Variants in CWF19L2 observed in about 807,000 individuals in gnomAD.
The protein encoded by CWF19L2 is CWF19-like protein 2.
CWF19L2 carries 98 observed loss-of-function variants against 111.7 expected under a neutral mutation model. The ratio of observed to expected loss-of-function variants is 0.88; its 90% CI spans 0.75 to 1.04. CWF19L2 has a LOEUF of 1.04. CWF19L2 is among the 50% of genes least tolerant of loss of function. CWF19L2 has a pLI of 0.00. For missense variants in CWF19L2, 1,101 were observed against 1,051.4 expected, an observed-to-expected ratio of 1.05 and a Z score of -0.65; for synonymous variants, 351 against 342.9, an observed-to-expected ratio of 1.02 and a Z score of -0.26.
intron 14 of CWF19L2, among the ~76,000 whole-genome samples, chr11:107,346,678 C>A (rs1444456092): frequency 1.3e-5 from 2 of 152,174 alleles, no homozygotes; most frequent in East Asian, 3.8e-4. Context: ...ACAGGATTCT[C>A]CTCTGGAAAA....
intron 4 of CWF19L2, 65 bp downstream of exon 4, chr11:107,442,874 G>C (rs1273638375): frequency 1.0e-5 from 9 of 885,380 alleles, no homozygotes; most frequent in African/African-American, 8.5e-5. Flanking sequence ...GGGAAGGAGG[G>C]AGGGAGGGAG....
rs2134524528 is a variant in CWF19L2, at chr11:107,336,555, C to T, written c.2358+3G>A. 1 of 1,591,734 alleles carries T rather than the reference C, an allele frequency of 6.3e-7. No individual in the cohort carries two copies. The highest frequency in any genetic ancestry group is 1.2e-5 in the South Asian group (1 of 86,262). ...TGTATATGCAAAGACTACTTATAAA[C>T]ACCTTAAAATAGATGGGAGCCATGT... On this transcript the variant is annotated splice_donor_region_variant and intron_variant, in intron 15 of 17. Transcript: ENST00000282251.
intron 14 of CWF19L2, among the ~76,000 whole-genome samples, chr11:107,346,991 T>G (rs766794460): frequency 6.6e-5 from 10 of 152,190 alleles, no homozygotes; most frequent in African/African-American, 9.6e-5. Flanking sequence ...TATGTAAGCA[T>G]CAGTGACCCT....
intron 12 of CWF19L2, among the ~76,000 whole-genome samples, chr11:107,374,289 G>A (rs1310859943): frequency 1.6e-5 from 2 of 129,028 alleles, no homozygotes; most frequent in Admixed American, 7.5e-5. Context: ...CATACTCCTC[G>A]AGAAGAGCAA....
chr11:107,433,995 T>C (rs542970436), intron 6 of CWF19L2, among the ~76,000 whole-genome samples: 30 of 143,652 alleles, frequency 2.1e-4, no homozygotes, highest in African/African-American at 7.2e-4. Context: ...TATAAGAAAA[T>C]TGCAATCTAA....
chr11:107,330,063 A>G, intron 16 of CWF19L2, 44 bp from the exon 17 acceptor site: 1 of 1,247,452 alleles, frequency 8.0e-7, no homozygotes, highest in South Asian at 1.5e-5. Context: ...GTATGAAACC[A>G]GAAAGTTATG....
intron 12 of CWF19L2, among the ~76,000 whole-genome samples, chr11:107,355,439 G>GCAA (rs10586415): frequency 2.7e-5 from 4 of 149,736 alleles, no homozygotes; most frequent in Admixed American, 6.7e-5. Flanking sequence ...ACAAACAAAA[G>GCAA]CAACAACAAC....
At chr11:107,439,585 G>A (rs1333073311) in intron 5 of CWF19L2, among the ~76,000 whole-genome samples, 4 of 152,196 alleles carry the variant, frequency 2.6e-5, no homozygotes, top group African/African-American at 9.6e-5. Flanking sequence ...GAAGTAATAT[G>A]TGCAGTCCAA....
rs772142238 is a variant in CWF19L2 at position 107,433,747 on chromosome 11, A to T, written c.667T>A (p.Ser223Thr). ...DCSVSSITKV[S>T]VVEDGGLSWL... ...CTTAATCCACCATCTTCTACCACTG[A>T]AACTAAATTCCAGTATTAAATATTA... Residue 223 changes from serine (S) to threonine (T), a missense_variant and splice_region_variant, in exon 7 of 18, where the codon TCA becomes ACA. Physicochemically the swap from Ser to Thr is moderately conservative, Grantham distance 58 (BLOSUM62 1). Transcript: ENST00000282251. 6.6e-7 allele frequency: 1 copy of T among 1,508,874 alleles called. No homozygotes were observed. The highest frequency in any genetic ancestry group is 9.1e-7 in the Non-Finnish European group (1 of 1,102,834). 93.5% of individuals were successfully genotyped at this position (1,508,874 alleles called of 1,614,324 possible).
chr11:107,390,188 T>C lies in CWF19L2; in HGVS notation c.1758A>G (p.Glu586=). The stretch of plus-strand genomic sequence containing the variant: ...CATCATCATGAAAGTATCTGACCCT[T>C]TCTCTTTCCTCATGGGTTGAAACCT... The part of the protein sequence containing the change: ...RQMVSTHEER[E]RVRYFHDDDN... The change falls in exon 12 of 18, where the codon GAA becomes GAG. Residue 586 remains glutamate, a synonymous_variant. Transcript: ENST00000282251. 6.2e-7 allele frequency: 1 copy of C among 1,609,460 alleles called. No homozygotes were observed. The highest frequency in any genetic ancestry group is 8.5e-7 in the Non-Finnish European group (1 of 1,177,682).
At chr11:107,374,410 A>C (rs1210367603) in intron 12 of CWF19L2, among the ~76,000 whole-genome samples, 2,875 of 130,784 alleles carry the variant, frequency 0.022, 537 homozygotes, top group African/African-American at 0.087. Context: ...CATCAGACTA[A>C]CAGCAGATCT....
At chr11:107,414,908 A>T (rs1022456999) in intron 10 of CWF19L2, among the ~76,000 whole-genome samples, 2 of 152,188 alleles carry the variant, frequency 1.3e-5, no homozygotes, top group Admixed American at 1.3e-4. Context: ...ATCATTTCTT[A>T]TCTGCATTAT....
chr11:107,404,658 A>C (rs2135387959), intron 10 of CWF19L2: 1 of 454,074 alleles, frequency 2.2e-6, no homozygotes. Flanking sequence ...GATACTTAAA[A>C]CTTAACTGTC....
At chr11:107,415,746 C>A (rs1180085702) in intron 10 of CWF19L2, among the ~76,000 whole-genome samples, 1 of 152,148 alleles carries the variant, frequency 6.6e-6, no homozygotes, top group African/African-American at 2.4e-5. Flanking sequence ...TTTTTTAAAA[C>A]AAGCATGCAT....
chr11:107,417,263 C>T (rs1388654907), intron 9 of CWF19L2, among the ~76,000 whole-genome samples: 2 of 152,160 alleles, frequency 1.3e-5, no homozygotes, highest in African/African-American at 2.4e-5. Flanking sequence ...GCCATGTGCA[C>T]TTAAATATAT....
chr11:107,414,606 G>A (rs1861200733), intron 10 of CWF19L2, among the ~76,000 whole-genome samples: 1 of 151,768 alleles, frequency 6.6e-6, no homozygotes, highest in African/African-American at 2.4e-5. Context: ...CATCTAACAG[G>A]CATCCAAACT....
At position 107,368,048 on chromosome 11, in the gene CWF19L2, A is replaced by G. The variant is rs936814069; in HGVS notation, c.1873-14312T>C. On this transcript the variant is annotated intron_variant, in intron 12 of 17. Coordinates refer to ENST00000282251, the MANE Select transcript of CWF19L2 (RefSeq NM_152434.3). ...ATCTAATGTGACACCTCAAGAAACT[A>G]GAGAAGCAAGAAGGAACCAACCTGA... 2.2e-5 allele frequency among the ~76,000 whole-genome samples: 3 copies of G among 136,660 alleles called. 1 individual carries two copies. Among genetic ancestry groups the G allele is most frequent in the African/African-American group, 8.8e-5 (3 of 34,192 alleles). 89.7% of individuals were successfully genotyped at this position (136,660 alleles called of 152,430 possible). A position where few individuals can be genotyped will look rare whatever the true frequency, so the allele number is the denominator to read the frequency against.
chr11:107,380,453 G>C (rs1482853839), intron 12 of CWF19L2, among the ~76,000 whole-genome samples: 1 of 152,092 alleles, frequency 6.6e-6, no homozygotes, highest in Non-Finnish European at 1.5e-5. Context: ...AAATCTGAGA[G>C]AACTGTCCAA....
intron 3 of CWF19L2, among the ~76,000 whole-genome samples, chr11:107,443,929 T>A (rs1267849643): frequency 6.6e-6 from 1 of 152,184 alleles, no homozygotes; most frequent in Admixed American, 6.5e-5. Context: ...TGGCTGTGCC[T>A]ATCCTTATTT....
Sources: gnomAD v4.1 joint callset for allele counts (sites outside exome capture counted in the v4.1 genomes callset) on GRCh38, gnomAD v4.1.1 for gene constraint, MANE v1.5 for transcripts, NCBI Gene and HGNC (gene_info 2026-07-23, HGNC 2026-07-21) for gene names.